AVEN: variants seen among roughly 807,000 people sequenced by gnomAD.
AVEN encodes the protein apoptosis and caspase activation inhibitor.
Under a neutral mutation model 38.1 loss-of-function variants are expected in AVEN, and 41 were observed. The ratio of observed to expected loss-of-function variants is 1.08; its 90% CI spans 0.84 to 1.40. The LOEUF is 1.40. Among genes scored for constraint, AVEN ranks in the 40% most tolerant of loss-of-function variants. The pLI, the probability that AVEN is intolerant of heterozygous loss-of-function variation, is 0.00. For missense variants in AVEN, 605 were observed against 438.8 expected (o/e 1.38, Z -3.38); for synonymous variants, 206 against 171.8 (o/e 1.20, Z -1.56).
intron 5 of AVEN, among the ~76,000 whole-genome samples, chr15:34,060,849 G>A (rs1900309857): frequency 1.3e-5 from 2 of 151,754 alleles, no homozygotes; most frequent in Non-Finnish European, 2.9e-5. Context: ...CAGCCTGGGT[G>A]ACAAGGGCAA....
At chr15:33,853,116 G>A in the AVEN span, 75 of 1,543,470 alleles carry the variant, frequency 4.9e-5, no homozygotes, top group South Asian at 5.3e-4. Flanking sequence ...GGTGAGTTCC[G>A]TGATCACCAA....
chr15:33,854,805 C>G, downstream of AVEN: 1 of 1,613,692 alleles, frequency 6.2e-7, no homozygotes, highest in Non-Finnish European at 8.5e-7. Flanking sequence ...CATGTCAGTC[C>G]TGGGCCACTA....
chr15:33,946,820 G>A lies in AVEN; in HGVS notation c.445+56212C>T, dbSNP rs948968327. The stretch of plus-strand genomic sequence containing the variant: ...GGAGCGGTTAGGCAAGAGTAAAAGG[G>A]CAGCAGAGAAGTCACAGATGTAGTG... On this transcript the variant is annotated intron_variant, in intron 2 of 5. Transcript: ENST00000306730. Among the ~76,000 whole-genome samples, 6 of 152,164 alleles carry A rather than the reference G, an allele frequency of 3.9e-5. No homozygotes were observed. In the East Asian group the frequency reaches 1.2e-3, roughly 29 times the overall value.
At position 34,039,013 on chromosome 15, in the gene AVEN, C is replaced by T. The variant is rs1307520975; in HGVS notation, c.34G>A (p.Gly12Arg). Residue 12 changes from glycine (G) to arginine (R), a missense_variant, in exon 1 of 6, where the codon GGG becomes AGG. Gly to Arg is a moderately radical substitution (Grantham distance 125, BLOSUM62 -2). Coordinates refer to ENST00000306730, the MANE Select transcript of AVEN (RefSeq NM_020371.3). ...QAERGARGGRGRRPGRGRPGG... is the reference protein window; with the variant it reads ...QAERGARGGRRRRPGRGRPGG... The stretch of plus-strand genomic sequence containing the variant: ...GGCCGGCCGCGGCCTGGCCGCCGCC[C>T]ACGGCCTCCCCGAGCTCCTCGCTCC... 5.3e-6 allele frequency: 6 copies of T among 1,124,096 alleles called. No homozygotes were observed. The highest frequency in any genetic ancestry group is 6.5e-6 in the Non-Finnish European group (6 of 920,648). The allele number at this position is 1,124,096 out of a possible 1,614,324, so 69.6% of individuals were successfully genotyped here.
chr15:34,034,754 AGT>A (rs1491410052), intron 1 of AVEN, among the ~76,000 whole-genome samples: 1 of 152,218 alleles, frequency 6.6e-6, no homozygotes, highest in Non-Finnish European at 1.5e-5. Flanking sequence ...AAATAATTAC[AGT>A]GTGTGTGCAA....
rs1354465390 is a variant in AVEN at position 33,876,942 on chromosome 15, T to C, written c.446-947A>G. Among the ~76,000 whole-genome samples the C allele has an allele frequency of 2.0e-5, 3 of 152,166 alleles. No individual in the cohort carries two copies. In the East Asian group the frequency reaches 5.8e-4, roughly 29 times the overall value. Reference sequence around the variant, plus strand: ...TTATAAATTTAATCTCCTTCCCACATGACTTTTTGATCAGAAAAAAACAGA... The same window carrying C: ...TTATAAATTTAATCTCCTTCCCACACGACTTTTTGATCAGAAAAAAACAGA... On this transcript the variant is annotated intron_variant, in intron 2 of 5. Coordinates refer to ENST00000306730, the MANE Select transcript of AVEN (RefSeq NM_020371.3).
At chr15:33,879,739 A>C (rs1289235262) in intron 2 of AVEN, among the ~76,000 whole-genome samples, 3 of 152,168 alleles carry the variant, frequency 2.0e-5, no homozygotes, top group Admixed American at 2.0e-4. Context: ...GAAATGATAA[A>C]GGACACCCCT....
At chr15:33,913,478 T>C (rs953602329) in intron 2 of AVEN, among the ~76,000 whole-genome samples, 2 of 152,162 alleles carry the variant, frequency 1.3e-5, no homozygotes, top group Non-Finnish European at 2.9e-5. Context: ...CAGATTTACA[T>C]TCCTAATTAT....
downstream of AVEN, chr15:33,865,729 C>T (rs201001709): frequency 6.5e-6 from 1 of 153,422 alleles, no homozygotes; most frequent in African/African-American, 2.4e-5. Context: ...GTTAAAGAAA[C>T]AGAAAAAAAC....
intron 11 of AVEN, chr15:33,860,508 A>T (rs1481602240): frequency 4.1e-6 from 3 of 726,096 alleles, no homozygotes; most frequent in Non-Finnish European, 6.4e-6. Flanking sequence ...TTTTTTTTTT[A>T]ACAGAACAAA....
chr15:33,954,187 C>T (rs535304562), intron 2 of AVEN, among the ~76,000 whole-genome samples: 2 of 152,306 alleles, frequency 1.3e-5, no homozygotes, highest in East Asian at 1.9e-4. Context: ...AATAGGAACG[C>T]TTTTACACTG....
intron 5 of AVEN, among the ~76,000 whole-genome samples, chr15:34,051,962 T>A (rs529126028): frequency 6.6e-6 from 1 of 151,826 alleles, no homozygotes; most frequent in Non-Finnish European, 1.5e-5. Flanking sequence ...TCTGAAAAAA[T>A]TGAAAAGGAG....
chr15:33,876,018 A>T, intron 2 of AVEN, 23 bp from the exon 3 acceptor site: 1 of 1,596,806 alleles, frequency 6.3e-7, no homozygotes, highest in Non-Finnish European at 8.5e-7. Context: ...AAAAAAAAAA[A>T]ATTTATGCAA....
At chr15:34,017,056 G>A (rs1161152563) in intron 1 of AVEN, among the ~76,000 whole-genome samples, 1 of 151,956 alleles carries the variant, frequency 6.6e-6, no homozygotes, top group Non-Finnish European at 1.5e-5. Flanking sequence ...ACCTCAGCCT[G>A]GGGAGGTCAA....
At chr15:33,984,704 T>C (rs1385001964) in intron 2 of AVEN, among the ~76,000 whole-genome samples, 1 of 152,146 alleles carries the variant, frequency 6.6e-6, no homozygotes, top group Non-Finnish European at 1.5e-5. Flanking sequence ...ACCCAGCCTA[T>C]TCATAGTAGG....
At chr15:33,918,334 A>G (rs1471067643) in intron 2 of AVEN, among the ~76,000 whole-genome samples, 2 of 152,180 alleles carry the variant, frequency 1.3e-5, no homozygotes, top group Non-Finnish European at 2.9e-5. Flanking sequence ...AATCAAACTA[A>G]TAATAGGAAC....
rs1004706742 is a variant in AVEN, at chr15:33,870,870, G to A, written c.612+65C>T. 24 of 1,151,256 alleles carry A rather than the reference G, an allele frequency of 2.1e-5. 1 individual carries two copies. The Admixed American group carries it at 4.5e-4, about 22-fold the overall frequency. 71.3% of individuals were successfully genotyped at this position (1,151,256 alleles called of 1,614,324 possible). A position where few individuals can be genotyped will look rare whatever the true frequency, so the allele number is the denominator to read the frequency against. On this transcript the variant is annotated intron_variant, in intron 4 of 5. Coordinates refer to ENST00000306730, the MANE Select transcript of AVEN (RefSeq NM_020371.3). ...ACACTGAGACATCCTGCTGAGGGAA[G>A]TGTTCCCCTCTTTTTCTCCTCCTGC...
chr15:33,931,632 G>C (rs1269822011), intron 2 of AVEN, among the ~76,000 whole-genome samples: 1 of 152,054 alleles, frequency 6.6e-6, no homozygotes, highest in Non-Finnish European at 1.5e-5. Flanking sequence ...GGCCTCCCAA[G>C]TGCTGGGATT....
At chr15:34,073,800 C>T (rs1053601817) in intron 1 of AVEN, among the ~76,000 whole-genome samples, 1 of 151,674 alleles carries the variant, frequency 6.6e-6, no homozygotes, top group Admixed American at 6.6e-5. Flanking sequence ...GGATTACAGG[C>T]GTGAGTCACT....
Sources: gnomAD v4.1 joint callset for allele counts (sites outside exome capture counted in the v4.1 genomes callset) on GRCh38, gnomAD v4.1.1 for gene constraint, MANE v1.5 for transcripts, NCBI Gene and HGNC (gene_info 2026-07-23, HGNC 2026-07-21) for gene names.